The following PVT1 variants were observed in gnomAD, a reference collection of about 807,000 sequenced individuals.
PVT1 encodes Pvt1 oncogene.
intron 2 of PVT1, among the ~76,000 whole-genome samples, chr8:127,842,528 CGAGTT>C (rs1413445889): frequency 1.9e-4 from 29 of 151,932 alleles, no homozygotes; most frequent in African/African-American, 6.8e-4. Context: ...AGCCTCCCAG[CGAGTT>C]GAGATTAAAG....
At chr8:127,838,882 G>A (rs147829655) in intron 2 of PVT1, among the ~76,000 whole-genome samples, 22 of 151,900 alleles carry the variant, frequency 1.4e-4, no homozygotes, top group African/African-American at 2.2e-4. Context: ...TATATACAAC[G>A]GTGGCCCTAT....
intron 2 of PVT1, among the ~76,000 whole-genome samples, chr8:127,811,900 T>A (rs1814599009): frequency 1.3e-5 from 2 of 152,082 alleles, no homozygotes; most frequent in Admixed American, 6.6e-5. Context: ...CAAGCATGAT[T>A]TTCAGATTTA....
chr8:127,933,077 A>AT (rs58301899), intron 3 of PVT1, among the ~76,000 whole-genome samples: 56 of 151,244 alleles, frequency 3.7e-4, no homozygotes, highest in Middle Eastern at 3.4e-3. Context: ...CAGTTTCATG[A>AT]TTTTTTTTTT....
Position 127,963,906 on chromosome 8 carries a change from T to G in PVT1, n.783-25256T>G, listed in dbSNP as rs1054837306. On this transcript the variant is annotated intron_variant and non_coding_transcript_variant, in intron 3 of 10. Coordinates refer to ENST00000651587, the Ensembl canonical transcript of PVT1. ...ATATATATTGACTGAAGAGTTGGAA[T>G]AGAAATATCTTCGTATTCTGTTTTC... Among the ~76,000 whole-genome samples, 8 of 152,246 alleles carry G rather than the reference T, an allele frequency of 5.3e-5. No individual in the cohort carries two copies. In the East Asian group the frequency reaches 1.5e-3, roughly 29 times the overall value.
At chr8:128,026,401 T>G (rs947549392) in intron 4 of PVT1, among the ~76,000 whole-genome samples, 9 of 152,160 alleles carry the variant, frequency 5.9e-5, no homozygotes, top group Non-Finnish European at 1.2e-4. Flanking sequence ...CTGTTTTTTG[T>G]TTGGGCTCTC....
intron 3 of PVT1, among the ~76,000 whole-genome samples, chr8:127,933,954 T>G (rs1232576186): frequency 6.6e-6 from 1 of 152,236 alleles, no homozygotes; most frequent in Admixed American, 6.5e-5. Flanking sequence ...TCAGCAGGGT[T>G]CCAGCCTCAC....
rs5894901 is a variant in PVT1, at chr8:127,826,994, C to CTTTTT, written n.372+30937_372+30941dup. ...TTTCTTTTTCTTTCTTTCTTTTTCT[C>CTTTTT]TTTTTTTTTTTTTTTTTTGAGATGG... On this transcript the variant is annotated intron_variant and non_coding_transcript_variant, in intron 2 of 10. Coordinates refer to ENST00000651587, the Ensembl canonical transcript of PVT1. 4.8e-3 allele frequency among the ~76,000 whole-genome samples: 545 copies of CTTTTT among 113,860 alleles called. 16 individuals carry two copies. Among genetic ancestry groups the CTTTTT allele is most frequent in the East Asian group, 1.0e-2 (40 of 4,010 alleles). The allele number at this position is 113,860 out of a possible 152,430, so 74.7% of individuals were successfully genotyped here.
intron 4 of PVT1, among the ~76,000 whole-genome samples, chr8:128,034,403 G>A (rs1410457540): frequency 6.6e-6 from 1 of 152,190 alleles, no homozygotes; most frequent in African/African-American, 2.4e-5. Flanking sequence ...CCACCTGGGT[G>A]GAGTTGCTGA....
At chr8:127,977,863 G>A (rs998470960) in intron 3 of PVT1, among the ~76,000 whole-genome samples, 7 of 152,188 alleles carry the variant, frequency 4.6e-5, no homozygotes, top group African/African-American at 1.7e-4. Flanking sequence ...TGTAAGTTCG[G>A]TGCCTTCTGT....
chr8:128,022,847 A>G (rs891214753), intron 4 of PVT1, among the ~76,000 whole-genome samples: 1 of 149,612 alleles, frequency 6.7e-6, no homozygotes, highest in Non-Finnish European at 1.5e-5. Flanking sequence ...GTTAGTAAAC[A>G]TGACGCAAGC....
intron 4 of PVT1, among the ~76,000 whole-genome samples, chr8:128,015,048 GAAAT>G (rs1199421887): frequency 7.0e-6 from 1 of 142,574 alleles, no homozygotes; most frequent in Admixed American, 7.0e-5. Context: ...AAAGAAAAGA[GAAAT>G]AGATTTATTT....
chr8:127,889,280 C>A (rs1394355484), intron 2 of PVT1, among the ~76,000 whole-genome samples: 1 of 151,914 alleles, frequency 6.6e-6, no homozygotes, highest in Non-Finnish European at 1.5e-5. Context: ...CAGGCATGCA[C>A]CACCACACCC....
intron 4 of PVT1, among the ~76,000 whole-genome samples, chr8:128,034,465 C>CACTT (rs559299419): frequency 2.0e-4 from 31 of 152,324 alleles, no homozygotes; most frequent in African/African-American, 7.0e-4. Flanking sequence ...GTCCAGAATA[C>CACTT]ACTTACTGTG....
chr8:127,970,289 G>GTTTTTTTTTTTTTTTTTTTTTT lies in PVT1; in HGVS notation n.783-18868_783-18847dup, dbSNP rs68010926. ...CATTCCTCTCCATCTGCCATGATTT[G>GTTTTTTTTTTTTTTTTTTTTTT]TTTTTTTTTTTTTTTTTTTTTTTTT... On this transcript the variant is annotated intron_variant and non_coding_transcript_variant, in intron 3 of 10. Coordinates refer to ENST00000651587, the Ensembl canonical transcript of PVT1. 1.2e-4 allele frequency among the ~76,000 whole-genome samples: 6 copies of GTTTTTTTTTTTTTTTTTTTTTT among 49,120 alleles called. 3 individuals are homozygous for GTTTTTTTTTTTTTTTTTTTTTT. The highest frequency in any genetic ancestry group is 1.7e-4 in the African/African-American group (2 of 11,796). The allele number at this position is 49,120 out of a possible 152,430, so 32.2% of individuals were successfully genotyped here.
chr8:127,969,417 C>A (rs1816738118), intron 3 of PVT1, among the ~76,000 whole-genome samples: 1 of 152,154 alleles, frequency 6.6e-6, no homozygotes, highest in Non-Finnish European at 1.5e-5. Flanking sequence ...TCATTTCAGA[C>A]CCCGGCCTTT....
At chr8:127,853,622 A>C (rs1586407589) in intron 2 of PVT1, among the ~76,000 whole-genome samples, 1 of 152,004 alleles carries the variant, frequency 6.6e-6, no homozygotes, top group Non-Finnish European at 1.5e-5. Context: ...CTGTACTAAA[A>C]ATACAAAAAT....
intron 5 of PVT1, among the ~76,000 whole-genome samples, chr8:128,082,232 GATAA>G (rs1161957301): frequency 7.9e-5 from 12 of 152,214 alleles, no homozygotes; most frequent in African/African-American, 2.9e-4. Context: ...ACAATTTAGA[GATAA>G]ATAGATTGAG....
chr8:128,055,205 G>T (rs1032924395), intron 4 of PVT1, among the ~76,000 whole-genome samples: 1 of 151,902 alleles, frequency 6.6e-6, no homozygotes, highest in Non-Finnish European at 1.5e-5. Flanking sequence ...ACATTCTATT[G>T]GTTCTATTTC....
intron 3 of PVT1, among the ~76,000 whole-genome samples, chr8:127,909,179 A>G (rs889222453): frequency 6.6e-6 from 1 of 152,220 alleles, no homozygotes; most frequent in Non-Finnish European, 1.5e-5. Flanking sequence ...TGGTTGAAAG[A>G]GACTTTTAAA....
Sources: allele counts gnomAD v4.1 joint callset (sites outside exome capture counted in the v4.1 genomes callset), GRCh38; gene constraint gnomAD v4.1.1; transcripts MANE v1.5; gene names NCBI Gene and HGNC (gene_info 2026-07-23, HGNC 2026-07-21).